HAP1: variants seen among roughly 807,000 people sequenced by gnomAD.
HAP1 encodes huntingtin associated protein 1.
In HAP1, 59 loss-of-function variants were observed where a neutral mutation model predicts 60.3. The observed-to-expected ratio is 0.98, with a 90% confidence interval of 0.79 to 1.22. HAP1 has a LOEUF of 1.22. HAP1 is among the 50% of genes most tolerant of loss of function. HAP1 has a pLI of 0.00. For synonymous variants in HAP1, 346 were observed against 330.6 expected, an observed-to-expected ratio of 1.05 and a Z score of -0.50; for missense variants, 825 against 785.3, an observed-to-expected ratio of 1.05 and a Z score of -0.60.
intron 8 of HAP1, chr17:41,727,494 A>C (rs1555589240): frequency 1.3e-6 from 1 of 767,374 alleles, no homozygotes; most frequent in Non-Finnish European, 2.4e-6. Flanking sequence ...ACTCCTGCCT[A>C]TCTGCTCTCA....
chr17:41,734,470 GGTGGCTCGGGATCCTACTCTCTGTCCA>G lies in HAP1; in HGVS notation c.138_164del (p.Gly47_Thr55del). The G allele has an allele frequency of 6.2e-7, 1 of 1,611,456 alleles. No individual in the cohort carries two copies. The highest frequency in any genetic ancestry group is 1.1e-5 in the South Asian group (1 of 90,992). ...CTTCCGAGAGGAACTGGGATCCAGA[GGTGGCTCGGGATCCTACTCTCTGTCCA>G]GTGCCCCGTGCCTGCGGCTGCGCAG... is the stretch of plus-strand genomic sequence containing the variant. On this transcript the variant is annotated inframe_deletion, in exon 1 of 11. Coordinates refer to ENST00000347901, the MANE Select transcript of HAP1 (RefSeq NM_177977.3).
In HAP1 at chr17:41,731,749, G is replaced by C. The variant is rs200903761; in HGVS notation, c.897-6C>G. On this transcript the variant is annotated splice_polypyrimidine_tract_variant and splice_region_variant and intron_variant, in intron 4 of 10. Coordinates refer to ENST00000347901, the MANE Select transcript of HAP1 (RefSeq NM_177977.3). ...GCAATGCCTCCTGCGAAATCCTAGGGGAGGGAGGAATGGGAGTCAGGGTGC... is the reference window on the plus strand; with the variant it reads ...GCAATGCCTCCTGCGAAATCCTAGGCGAGGGAGGAATGGGAGTCAGGGTGC... 7 of 1,605,878 alleles carry C rather than the reference G, an allele frequency of 4.4e-6. No homozygotes were observed. In the African/African-American group the frequency reaches 8.0e-5, roughly 18 times the overall value.
downstream of HAP1, chr17:41,720,794 T>C (rs2143161762): frequency 7.2e-6 from 1 of 137,956 alleles, no homozygotes; most frequent in East Asian, 2.0e-4. Flanking sequence ...CTCTGAGATA[T>C]ATTCTTTTTT....
chr17:41,733,789 G>A (rs1379101752), intron 1 of HAP1, among the ~76,000 whole-genome samples: 6 of 148,252 alleles, frequency 4.0e-5, no homozygotes, highest in Non-Finnish European at 6.0e-5. Flanking sequence ...TCGCACGCAA[G>A]CCCGGTCGGC....
chr17:41,726,076 C>A (rs1336276777), intron 9 of HAP1, among the ~76,000 whole-genome samples, 179 bp from the exon 10 acceptor site: 2 of 151,922 alleles, frequency 1.3e-5, no homozygotes, highest in Admixed American at 1.3e-4. Context: ...TCAAGACCAG[C>A]CTAGCCAACA....
chr17:41,732,029 CTCT>C lies in HAP1; in HGVS notation c.801_803del (p.Glu272del), dbSNP rs782166741. 16 of 1,555,832 alleles carry C rather than the reference CTCT, an allele frequency of 1.0e-5. No individual in the cohort carries two copies. Among genetic ancestry groups the C allele is most frequent in the Admixed American group, 1.7e-5 (1 of 59,916 alleles). On this transcript the variant is annotated inframe_deletion, in exon 4 of 11. Coordinates refer to ENST00000347901, the MANE Select transcript of HAP1 (RefSeq NM_177977.3). ...CTTCTGCCTCCTTTTCTTCCTCCTC[CTCT>C]TCTTCATCCTCATCCTCCTCATCAG... is the stretch of plus-strand genomic sequence containing the variant.
At chr17:41,729,900 G>C (rs541918447) in intron 6 of HAP1, among the ~76,000 whole-genome samples, 3 of 139,282 alleles carry the variant, frequency 2.2e-5, no homozygotes, top group Admixed American at 7.5e-5. Context: ...TTTGCCAGGC[G>C]TGATGGCACA....
chr17:41,719,111 T>G (rs1206013913), downstream of HAP1, among the ~76,000 whole-genome samples: 1 of 152,026 alleles, frequency 6.6e-6, no homozygotes, highest in Non-Finnish European at 1.5e-5. Context: ...CTCAAGTAGC[T>G]GGGATTATAG....
At chr17:41,727,395 C>T (rs373762321) in intron 8 of HAP1, 4 of 780,094 alleles carry the variant, frequency 5.1e-6, no homozygotes, top group Admixed American at 1.7e-5. Flanking sequence ...AATCAGCATG[C>T]CCCCACAATC....
At chr17:41,733,352 C>CTT (rs1226491607) in intron 1 of HAP1, among the ~76,000 whole-genome samples, 34,558 of 74,346 alleles carry the variant, frequency 0.46, 9,792 homozygotes, top group East Asian at 0.67. Context: ...CCGCGCCCGG[C>CTT]TTTTTTTTTT....
rs1475879749 is a variant in HAP1, at chr17:41,723,467, G to A, written c.*1234C>T. The A allele has an allele frequency of 1.6e-5, 1 of 62,008 alleles. No homozygotes were observed. Among genetic ancestry groups the A allele is most frequent in the Non-Finnish European group, 4.5e-5 (1 of 22,078 alleles). 3.8% of individuals were successfully genotyped at this position (62,008 alleles called of 1,614,324 possible). On this transcript the variant is annotated 3_prime_UTR_variant, in exon 11 of 11. Coordinates refer to ENST00000347901, the MANE Select transcript of HAP1 (RefSeq NM_177977.3). ...AGGAGGGTCTGCGGGTGTGGGGCTT[G>A]GCCAGGCAGCAGAAGGAGGGGCCTC...
At chr17:41,727,556 C>A in intron 8 of HAP1, 1 of 688,098 alleles carries the variant, frequency 1.5e-6, no homozygotes, top group Non-Finnish European at 2.7e-6. Flanking sequence ...GTGGGGGACC[C>A]AGGGCAGGTC....
rs1911342226 is a variant in HAP1, at chr17:41,723,327, C to CAG, written c.*1372_*1373dup. On this transcript the variant is annotated 3_prime_UTR_variant, in exon 11 of 11. Transcript: ENST00000347901. Reference sequence around the variant, plus strand: ...AAAGCCTCCAACATGTGGGAAAGGGCAGAACATGGAAGAGGAAGCCAGGGG... The same window carrying CAG: ...AAAGCCTCCAACATGTGGGAAAGGGCAGAGAACATGGAAGAGGAAGCCAGGGG... 1 of 152,770 alleles carries CAG rather than the reference C, an allele frequency of 6.5e-6. No individual in the cohort carries two copies. Among genetic ancestry groups the CAG allele is most frequent in the Non-Finnish European group, 1.5e-5 (1 of 68,134 alleles). The allele number at this position is 152,770 out of a possible 1,614,324, so 9.5% of individuals were successfully genotyped here.
chr17:41,733,028 G>T (rs56861346), intron 1 of HAP1, among the ~76,000 whole-genome samples: 1 of 56,178 alleles, frequency 1.8e-5, no homozygotes, highest in African/African-American at 6.8e-5. Context: ...AGGTTTTTGG[G>T]TTTTTTTTGG....
chr17:41,727,624 GC>G, intron 8 of HAP1, 137 bp downstream of exon 8: 1 of 658,554 alleles, frequency 1.5e-6, no homozygotes, highest in Non-Finnish European at 2.7e-6. Context: ...GCTGTGCCAG[GC>G]ATGGAGGGGG....
At chr17:41,719,519 A>C (rs6503655), downstream of HAP1, among the ~76,000 whole-genome samples, 133,226 of 151,922 alleles carry the variant, frequency 0.88, 58,485 homozygotes, top group Middle Eastern at 0.94. Context: ...ACGGTGAAAC[A>C]CTGTCTCTAC....
intron 10 of HAP1, among the ~76,000 whole-genome samples, chr17:41,725,400 T>TAC (rs782303533): frequency 1.3e-5 from 2 of 152,156 alleles, no homozygotes; most frequent in African/African-American, 2.4e-5. Context: ...CTGCACGGAA[T>TAC]ACACCAACAG....
intron 8 of HAP1, 24 bp downstream of exon 8, chr17:41,727,738 G>A (rs782796336): frequency 8.4e-6 from 13 of 1,547,738 alleles, no homozygotes; most frequent in East Asian, 2.2e-5. Context: ...CAGGGTGGGG[G>A]CAGAAGCCGG....
rs1172838009 is a variant in HAP1 at position 41,722,784 on chromosome 17, G to A, written c.*1917C>T. On this transcript the variant is annotated 3_prime_UTR_variant, in exon 11 of 11. Transcript: ENST00000347901. ...CCCAGCTATTGAGGAACAAAGGTGT[G>A]GGAAAGGGCAGAACATGGAAGAGGA... is the stretch of plus-strand genomic sequence containing the variant. 6.6e-6 allele frequency: 1 copy of A among 152,294 alleles called. No individual in the cohort carries two copies. The highest frequency in any genetic ancestry group is 1.5e-5 in the Non-Finnish European group (1 of 68,130). 9.4% of individuals were successfully genotyped at this position (152,294 alleles called of 1,614,324 possible).
Sources: gnomAD v4.1 joint callset for allele counts (sites outside exome capture counted in the v4.1 genomes callset) on GRCh38, gnomAD v4.1.1 for gene constraint, MANE v1.5 for transcripts, NCBI Gene and HGNC (gene_info 2026-07-23, HGNC 2026-07-21) for gene names.